The following CACHD1 variants were observed in gnomAD, a reference collection of about 807,000 sequenced individuals.
The protein encoded by CACHD1 is cache domain containing 1, also known as VWFA and cache domain-containing protein 1.
A neutral mutation model predicts 138.7 loss-of-function variants in CACHD1; 71 were observed. That is an observed-to-expected ratio of 0.51 (90% confidence interval 0.42 to 0.62). The LOEUF (loss-of-function observed/expected upper bound fraction) is 0.62. Ranked by LOEUF, CACHD1 falls within the 20% of genes least tolerant of loss-of-function variation. The probability of loss-of-function intolerance (pLI) is 0.00; values close to 1 mark genes in which losing one functional copy is unlikely to be tolerated. For missense variants in CACHD1, 1,389 were observed against 1,625.3 expected, an observed-to-expected ratio of 0.85 and a Z score of 2.50; for synonymous variants, 578 against 591.5, an observed-to-expected ratio of 0.98 and a Z score of 0.33.
At chr1:64,495,261 GTCA>G (rs1485584607) in intron 1 of CACHD1, among the ~76,000 whole-genome samples, 1 of 152,056 alleles carries the variant, frequency 6.6e-6, no homozygotes, top group Non-Finnish European at 1.5e-5. Flanking sequence ...AAGTATTATT[GTCA>G]TCATTATTAG....
At chr1:64,606,406 GC>G (rs1647342453) in intron 4 of CACHD1, among the ~76,000 whole-genome samples, 1 of 152,178 alleles carries the variant, frequency 6.6e-6, no homozygotes, top group South Asian at 2.1e-4. Flanking sequence ...TGTTTGGTGT[GC>G]TTGGAAACTG....
At chr1:64,598,917 CATT>C (rs1647186084) in intron 3 of CACHD1, among the ~76,000 whole-genome samples, 1 of 144,510 alleles carries the variant, frequency 6.9e-6, no homozygotes, top group Non-Finnish European at 1.5e-5. Flanking sequence ...ATATTAATAT[CATT>C]AATATTATTA....
At chr1:64,558,823 A>G (rs1046780043) in intron 2 of CACHD1, among the ~76,000 whole-genome samples, 8 of 152,202 alleles carry the variant, frequency 5.3e-5, no homozygotes, top group African/African-American at 1.9e-4. Context: ...CCCCATTAAA[A>G]AGTGGGCAAA....
chr1:64,599,035 C>CA (rs997406842), intron 3 of CACHD1, among the ~76,000 whole-genome samples: 4 of 151,688 alleles, frequency 2.6e-5, no homozygotes, highest in Non-Finnish European at 5.9e-5. Context: ...AAAGAGGTCT[C>CA]AGAGAGCTGC....
chr1:64,488,954 A>G (rs1445951418), intron 1 of CACHD1, among the ~76,000 whole-genome samples: 1 of 152,198 alleles, frequency 6.6e-6, no homozygotes, highest in African/African-American at 2.4e-5. Context: ...CTGGGGGATT[A>G]GTTAGTAAGC....
intron 1 of CACHD1, among the ~76,000 whole-genome samples, chr1:64,511,519 G>A (rs1172040939): frequency 6.6e-6 from 1 of 152,138 alleles, no homozygotes; most frequent in African/African-American, 2.4e-5. Context: ...TCATAAAATT[G>A]CAAGATTAGA....
At chr1:64,665,813 G>A (rs759648601) in intron 15 of CACHD1, among the ~76,000 whole-genome samples, 9 of 152,022 alleles carry the variant, frequency 5.9e-5, no homozygotes, top group Non-Finnish European at 1.0e-4. Context: ...TCAGGAGATC[G>A]AGACCACGGT....
intron 1 of CACHD1, among the ~76,000 whole-genome samples, chr1:64,508,933 A>C: frequency 6.6e-6 from 1 of 151,080 alleles, no homozygotes; most frequent in African/African-American, 2.4e-5. Flanking sequence ...GCCATTCCCC[A>C]CCCCCAGGGT....
chr1:64,472,676 A>G (rs1570285802), intron 1 of CACHD1, among the ~76,000 whole-genome samples: 2 of 152,198 alleles, frequency 1.3e-5, no homozygotes. Context: ...AACTAGGATT[A>G]AAAAAACAGT....
At chr1:64,598,031 T>G (rs11582810) in intron 3 of CACHD1, among the ~76,000 whole-genome samples, 14 of 152,296 alleles carry the variant, frequency 9.2e-5, no homozygotes, top group Non-Finnish European at 1.5e-4. Context: ...TTTGGCAAGG[T>G]GACTCTTCCT....
At position 64,692,876 on chromosome 1, in the gene CACHD1, T is replaced by TA. The variant is rs766546845; in HGVS notation, c.*1316dup. The stretch of plus-strand genomic sequence containing the variant: ...AGAATGTGTGTGGTAAATCTCCGTT[T>TA]ATATGTAGTTGGAAAAAATTCACTG... On this transcript the variant is annotated 3_prime_UTR_variant, in exon 27 of 27. Transcript: ENST00000651257. The TA allele has an allele frequency of 6.5e-6, 1 of 152,680 alleles. No individual in the cohort carries two copies. The highest frequency in any genetic ancestry group is 1.5e-5 in the Non-Finnish European group (1 of 68,046). The allele number at this position is 152,680 out of a possible 1,614,324, so 9.5% of individuals were successfully genotyped here.
At chr1:64,665,604 C>A (rs1200202665) in intron 15 of CACHD1, among the ~76,000 whole-genome samples, 1 of 152,142 alleles carries the variant, frequency 6.6e-6, no homozygotes, top group African/African-American at 2.4e-5. Context: ...CAGTCAGATA[C>A]AAAAGATGAG....
At chr1:64,670,584 A>G (rs1649779978) in intron 16 of CACHD1, among the ~76,000 whole-genome samples, 1 of 152,178 alleles carries the variant, frequency 6.6e-6, no homozygotes, top group Admixed American at 6.5e-5. Context: ...CAAGGTTCCA[A>G]GTGAGAAGTC....
At chr1:64,666,267 G>A (rs1330065989) in intron 16 of CACHD1, 100 bp downstream of exon 16, 9 of 652,844 alleles carry the variant, frequency 1.4e-5, no homozygotes, top group African/African-American at 1.1e-4. Context: ...AGAGGCAGAA[G>A]CATGACCTTT....
intron 1 of CACHD1, among the ~76,000 whole-genome samples, chr1:64,536,935 A>T (rs181418527): frequency 2.0e-5 from 3 of 152,168 alleles, no homozygotes; most frequent in Admixed American, 6.5e-5. Flanking sequence ...TCCCGTGAGG[A>T]AACAGGCTCA....
chr1:64,580,924 T>G (rs1427745112), intron 2 of CACHD1, among the ~76,000 whole-genome samples: 1 of 152,166 alleles, frequency 6.6e-6, no homozygotes, highest in African/African-American at 2.4e-5. Context: ...CCTACTTTAT[T>G]TTAATAGTAA....
intron 4 of CACHD1, among the ~76,000 whole-genome samples, chr1:64,617,886 C>T (rs1473455870): frequency 1.3e-5 from 2 of 152,180 alleles, no homozygotes; most frequent in Non-Finnish European, 2.9e-5. Context: ...CAAGACCAGC[C>T]TGGCTAACAT....
chr1:64,566,298 G>A (rs2100497134), intron 2 of CACHD1, among the ~76,000 whole-genome samples: 1 of 152,278 alleles, frequency 6.6e-6, no homozygotes, highest in East Asian at 1.9e-4. Context: ...TATATGGCAG[G>A]TGCTCAGTAA....
At chr1:64,510,078 T>C (rs1288959052) in intron 1 of CACHD1, among the ~76,000 whole-genome samples, 1 of 152,154 alleles carries the variant, frequency 6.6e-6, no homozygotes, top group Non-Finnish European at 1.5e-5. Flanking sequence ...AAAACTGCTT[T>C]TTAAGGAAAA....
Sources: allele counts gnomAD v4.1 joint callset (sites outside exome capture counted in the v4.1 genomes callset), GRCh38; gene constraint gnomAD v4.1.1; transcripts MANE v1.5; gene names NCBI Gene and HGNC (gene_info 2026-07-23, HGNC 2026-07-21).